CADM2: variants seen among roughly 807,000 people sequenced by gnomAD.
The protein encoded by CADM2 is immunoglobulin superfamily member 4D.
In CADM2, 12 loss-of-function variants were observed where a neutral mutation model predicts 49.8. The ratio of observed to expected loss-of-function variants is 0.24; its 90% CI spans 0.15 to 0.39. The LOEUF (loss-of-function observed/expected upper bound fraction) is 0.39, where lower values mean the gene tolerates loss of function less well. CADM2 is among the 10% of genes least tolerant of loss of function. The probability of loss-of-function intolerance (pLI) is 1.00; values close to 1 mark genes in which losing one functional copy is unlikely to be tolerated. For synonymous variants in CADM2, 214 were observed against 175.4 expected (o/e 1.22, Z -1.74); for missense variants, 378 against 492.3 (o/e 0.77, Z 2.20).
In CADM2 at chr3:85,243,076, G is replaced by A. The variant is rs564023251; in HGVS notation, c.61+283408G>A. ...TCTATTCAGAAAGAAGAATAGATGT[G>A]CACCACAAATTCCAAATGAGAATGT... On this transcript the variant is annotated intron_variant, in intron 1 of 9. Coordinates refer to ENST00000383699, the MANE Select transcript of CADM2 (RefSeq NM_001167675.2). 1.8e-4 allele frequency among the ~76,000 whole-genome samples: 28 copies of A among 151,832 alleles called. No individual in the cohort carries two copies. The South Asian group carries it at 5.8e-3, about 32-fold the overall frequency.
chr3:85,146,081 G>C (rs1222354360), intron 1 of CADM2, among the ~76,000 whole-genome samples: 1 of 152,148 alleles, frequency 6.6e-6, no homozygotes, highest in Non-Finnish European at 1.5e-5. Context: ...TTTTCTGTCT[G>C]ACAAATGAGA....
At chr3:85,637,793 T>C (rs1016543770) in intron 1 of CADM2, among the ~76,000 whole-genome samples, 1 of 152,078 alleles carries the variant, frequency 6.6e-6, no homozygotes, top group Non-Finnish European at 1.5e-5. Context: ...AAACCCATAA[T>C]GTCCCTACCA....
intron 1 of CADM2, among the ~76,000 whole-genome samples, chr3:85,642,155 C>G (rs1233194794): frequency 6.6e-6 from 1 of 152,122 alleles, no homozygotes; most frequent in East Asian, 1.9e-4. Flanking sequence ...GAAAGTGTCT[C>G]CTCATACTTA....
At chr3:85,204,705 C>T (rs2041590002) in intron 1 of CADM2, among the ~76,000 whole-genome samples, 1 of 152,026 alleles carries the variant, frequency 6.6e-6, no homozygotes, top group African/African-American at 2.4e-5. Flanking sequence ...AGTTAAATAC[C>T]TGTGTTCTAT....
At chr3:85,516,793 T>C (rs899200967) in intron 1 of CADM2, among the ~76,000 whole-genome samples, 1 of 152,016 alleles carries the variant, frequency 6.6e-6, no homozygotes, top group Non-Finnish European at 1.5e-5. Flanking sequence ...AAATCATACT[T>C]CCAAAATTGT....
At chr3:85,963,091 T>A (rs1725042556) in intron 8 of CADM2, among the ~76,000 whole-genome samples, 1 of 151,916 alleles carries the variant, frequency 6.6e-6, no homozygotes, top group Non-Finnish European at 1.5e-5. Context: ...TTGGAAAAAA[T>A]TAATATGTTC....
chr3:85,154,564 A>G (rs1409435619), intron 1 of CADM2, among the ~76,000 whole-genome samples: 8 of 151,266 alleles, frequency 5.3e-5, no homozygotes, highest in African/African-American at 1.2e-4. Flanking sequence ...GCAGGCCAAC[A>G]TTCAGATTCA....
intron 3 of CADM2, among the ~76,000 whole-genome samples, chr3:85,837,708 TA>T (rs2074468404): frequency 6.6e-6 from 1 of 151,752 alleles, no homozygotes; most frequent in Non-Finnish European, 1.5e-5. Context: ...ATATACTGCT[TA>T]AAAGAGCTGT....
At chr3:85,544,543 C>G (rs1003253843) in intron 1 of CADM2, among the ~76,000 whole-genome samples, 1 of 152,006 alleles carries the variant, frequency 6.6e-6, no homozygotes, top group East Asian at 1.9e-4. Context: ...CGCCACTGCA[C>G]TCCTGCCTGG....
intron 6 of CADM2, among the ~76,000 whole-genome samples, chr3:85,934,226 A>G (rs1450128769): frequency 6.6e-6 from 1 of 152,140 alleles, no homozygotes; most frequent in Non-Finnish European, 1.5e-5. Flanking sequence ...TCAAAAGACC[A>G]TAGGCCTCAG....
At chr3:85,345,313 CA>C (rs3085180) in intron 1 of CADM2, among the ~76,000 whole-genome samples, 6,194 of 46,186 alleles carry the variant, frequency 0.13, 56 homozygotes, top group South Asian at 0.28. Flanking sequence ...GTCTCCATCT[CA>C]AAAAAAAAAA....
At chr3:85,937,658 C>T (rs1296854528) in intron 7 of CADM2, among the ~76,000 whole-genome samples, 2 of 151,880 alleles carry the variant, frequency 1.3e-5, no homozygotes, top group African/African-American at 4.8e-5. Flanking sequence ...AGTTGAAGCC[C>T]TAGATGCTTT....
intron 8 of CADM2, among the ~76,000 whole-genome samples, chr3:86,015,726 C>T (rs1270526389): frequency 1.3e-5 from 2 of 152,170 alleles, no homozygotes; most frequent in African/African-American, 4.8e-5. Context: ...TTGCTGTTTA[C>T]ATTCCTTTGT....
chr3:85,387,834 G>GCTATAGCACTCAAGTC (rs1178914492), intron 1 of CADM2, among the ~76,000 whole-genome samples: 3 of 152,098 alleles, frequency 2.0e-5, no homozygotes, highest in Admixed American at 2.0e-4. Flanking sequence ...TGGAAGCCTA[G>GCTATAGCACTCAAGTC]CTATAGCACT....
intron 1 of CADM2, among the ~76,000 whole-genome samples, chr3:85,198,050 A>G (rs2107738523): frequency 6.6e-6 from 1 of 152,042 alleles, no homozygotes; most frequent in South Asian, 2.1e-4. Flanking sequence ...TGAAGCTAAT[A>G]ATATGGTTTA....
At chr3:85,852,224 G>A (rs965245122) in intron 3 of CADM2, among the ~76,000 whole-genome samples, 1 of 151,856 alleles carries the variant, frequency 6.6e-6, no homozygotes, top group Non-Finnish European at 1.5e-5. Context: ...CTGCTTTCTT[G>A]GAAATAAAAT....
intron 4 of CADM2, 104 bp downstream of exon 4, chr3:85,883,547 T>C (rs1388948004): frequency 2.0e-6 from 2 of 1,011,570 alleles, no homozygotes; most frequent in Non-Finnish European, 2.7e-6. Flanking sequence ...ATTATATGAA[T>C]AGATATGGTT....
At chr3:85,347,165 T>A (rs1394590495) in intron 1 of CADM2, among the ~76,000 whole-genome samples, 1 of 124,056 alleles carries the variant, frequency 8.1e-6, no homozygotes, top group Non-Finnish European at 1.6e-5. Context: ...GAGGTTTTGG[T>A]GAGCTAAGAT....
intron 8 of CADM2, among the ~76,000 whole-genome samples, chr3:86,061,011 C>T (rs897142145): frequency 2.1e-5 from 3 of 140,666 alleles, no homozygotes; most frequent in Non-Finnish European, 3.1e-5. Context: ...ATAATAATAA[C>T]AGCTTTGAAT....
Sources: allele counts gnomAD v4.1 joint callset (sites outside exome capture counted in the v4.1 genomes callset), GRCh38; gene constraint gnomAD v4.1.1; transcripts MANE v1.5; gene names NCBI Gene and HGNC (gene_info 2026-07-23, HGNC 2026-07-21).